The following CPXM2 variants were observed in gnomAD, a reference collection of about 807,000 sequenced individuals.
The protein encoded by CPXM2 is carboxypeptidase X, M14 family member 2, also known as inactive carboxypeptidase-like protein X2.
A neutral mutation model predicts 86.1 loss-of-function variants in CPXM2; 66 were observed. The observed-to-expected ratio is 0.77, with a 90% CI of 0.63 to 0.94. CPXM2 has a LOEUF of 0.94. CPXM2 is among the 40% of genes least tolerant of loss of function. The probability of loss-of-function intolerance (pLI) is 0.00; values close to 1 mark genes in which losing one functional copy is unlikely to be tolerated. For synonymous variants in CPXM2, 388 were observed against 400.2 expected (o/e 0.97, Z 0.36); for missense variants, 948 against 1,026.3 (o/e 0.92, Z 1.04).
chr10:123,861,527 G>A (rs1001245918), intron 3 of CPXM2, among the ~76,000 whole-genome samples: 1 of 152,188 alleles, frequency 6.6e-6, no homozygotes, highest in African/African-American at 2.4e-5. Flanking sequence ...GTCACAGATG[G>A]AATGAAGGTT....
At position 123,746,653 on chromosome 10, in the gene CPXM2, G is replaced by A; in HGVS notation, c.*111C>T. On this transcript the variant is annotated 3_prime_UTR_variant, in exon 14 of 14. Coordinates refer to ENST00000241305, the MANE Select transcript of CPXM2 (RefSeq NM_198148.3). ...GCCTCACAATGCACCCTCTCTTCCA[G>A]GCACTTCTTGAATTACAGAGGAAAC... 1 of 1,058,094 alleles carries A rather than the reference G, an allele frequency of 9.5e-7. No homozygotes were observed. The highest frequency in any genetic ancestry group is 2.2e-5 in the Admixed American group (1 of 46,442). 65.5% of individuals were successfully genotyped at this position (1,058,094 alleles called of 1,614,324 possible).
intron 2 of CPXM2, among the ~76,000 whole-genome samples, chr10:123,928,988 G>A (rs756012351): frequency 3.3e-4 from 51 of 152,242 alleles, no homozygotes; most frequent in Non-Finnish European, 5.7e-4. Context: ...GTGGTCCTGA[G>A]TGGAGCAGGG....
At chr10:123,901,061 A>G (rs1028319126) in intron 2 of CPXM2, among the ~76,000 whole-genome samples, 11 of 152,232 alleles carry the variant, frequency 7.2e-5, no homozygotes, top group African/African-American at 2.4e-4. Context: ...GCAATGTATT[A>G]AAAGCATTTC....
chr10:123,764,351 A>G (rs1422472765), intron 10 of CPXM2, among the ~76,000 whole-genome samples: 1 of 152,218 alleles, frequency 6.6e-6, no homozygotes, highest in Non-Finnish European at 1.5e-5. Context: ...AGCTATATTC[A>G]AAATTTGGCG....
intron 4 of CPXM2, among the ~76,000 whole-genome samples, chr10:123,825,963 T>C (rs1374876216): frequency 6.6e-6 from 1 of 152,196 alleles, no homozygotes; most frequent in Non-Finnish European, 1.5e-5. Context: ...CTGGCTCTGA[T>C]GTGAACATCT....
upstream of CPXM2, chr10:123,891,814 C>T: frequency 3.4e-6 from 1 of 293,920 alleles, no homozygotes; most frequent in Non-Finnish European, 5.3e-6. This position sits in a 1 kb window ranked among gnomAD's most constrained non-coding sequence, Gnocchi z 5.6. Context: ...GTGTGACCGG[C>T]CCGCGGGGCT....
chr10:123,867,318 T>C (rs903899923), intron 2 of CPXM2, among the ~76,000 whole-genome samples: 2 of 152,130 alleles, frequency 1.3e-5, no homozygotes, highest in Non-Finnish European at 2.9e-5. Context: ...GGCAGGATTT[T>C]CCTATGCTAA....
intron 4 of CPXM2, among the ~76,000 whole-genome samples, chr10:123,838,986 G>A (rs1233681146): frequency 1.3e-5 from 2 of 152,148 alleles, no homozygotes; most frequent in Admixed American, 6.5e-5. Flanking sequence ...AGCTTTCTCT[G>A]TCTATATTTT....
chr10:123,924,248 T>C (rs1945603939), intron 2 of CPXM2, among the ~76,000 whole-genome samples: 2 of 152,160 alleles, frequency 1.3e-5, no homozygotes, highest in Admixed American at 1.3e-4. Flanking sequence ...GATGAAGGGC[T>C]CAGTCCCACA....
intron 7 of CPXM2, 44 bp from the exon 8 acceptor site, chr10:123,771,083 T>C (rs1235384808): frequency 6.3e-7 from 1 of 1,594,662 alleles, no homozygotes; most frequent in Non-Finnish European, 8.6e-7. Context: ...TTGATGACGA[T>C]GCACTAAAAG....
intron 2 of CPXM2, among the ~76,000 whole-genome samples, chr10:123,868,783 G>A (rs1280108230): frequency 1.3e-5 from 2 of 152,180 alleles, no homozygotes; most frequent in Admixed American, 6.5e-5. Flanking sequence ...AAGCAGACAC[G>A]TGACCGGCAG....
chr10:123,768,133 A>G lies in CPXM2; in HGVS notation c.1299+393T>C, dbSNP rs1219729. 1.0e-2 allele frequency among the ~76,000 whole-genome samples: 1,515 copies of G among 152,250 alleles called. 9 individuals carry two copies. Among genetic ancestry groups the G allele is most frequent in the South Asian group, 0.026 (126 of 4,816 alleles). On this transcript the variant is annotated intron_variant, in intron 9 of 13. Transcript: ENST00000241305. ...CCAGGCACGGTGGCTTACACCTGTAATCCCAGCACTTTGGGAGGCCAAGGC... is the reference window on the plus strand; with the variant it reads ...CCAGGCACGGTGGCTTACACCTGTAGTCCCAGCACTTTGGGAGGCCAAGGC...
At chr10:123,804,179 A>G (rs1847528916) in intron 4 of CPXM2, among the ~76,000 whole-genome samples, 1 of 152,192 alleles carries the variant, frequency 6.6e-6, no homozygotes, top group Admixed American at 6.5e-5. Context: ...TATATCTGAT[A>G]GTATATGTTT....
chr10:123,846,604 C>T (rs1848501271), intron 3 of CPXM2, among the ~76,000 whole-genome samples: 1 of 152,038 alleles, frequency 6.6e-6, no homozygotes, highest in South Asian at 2.1e-4. Context: ...AGAGGATGCA[C>T]TCCAAAAAAA....
chr10:123,770,451 T>G (rs1846601461), intron 8 of CPXM2, among the ~76,000 whole-genome samples: 1 of 152,384 alleles, frequency 6.6e-6, no homozygotes, highest in East Asian at 1.9e-4. Flanking sequence ...GAAGCCCATC[T>G]GACCTATACA....
chr10:123,790,995 G>C (rs930914113), intron 6 of CPXM2, among the ~76,000 whole-genome samples: 4 of 152,148 alleles, frequency 2.6e-5, no homozygotes, highest in Non-Finnish European at 5.9e-5. Context: ...TGGAAGGTAC[G>C]GTGGGAGACA....
At chr10:123,822,001 T>G (rs1281426880) in intron 4 of CPXM2, among the ~76,000 whole-genome samples, 3 of 152,162 alleles carry the variant, frequency 2.0e-5, no homozygotes, top group African/African-American at 7.2e-5. Context: ...AATTATTAGA[T>G]AAGACAGGTT....
intron 6 of CPXM2, among the ~76,000 whole-genome samples, chr10:123,787,244 T>A (rs1489886544): frequency 6.6e-6 from 1 of 152,018 alleles, no homozygotes; most frequent in Non-Finnish European, 1.5e-5. Flanking sequence ...GAAGAGAAGA[T>A]CTAGGAAAGG....
At chr10:123,802,449 T>G (rs1304124329) in intron 4 of CPXM2, among the ~76,000 whole-genome samples, 1 of 152,246 alleles carries the variant, frequency 6.6e-6, no homozygotes, top group Non-Finnish European at 1.5e-5. Flanking sequence ...GTTTCGTCTT[T>G]GATAATTCTT....
Sources: gnomAD v4.1 joint callset for allele counts (sites outside exome capture counted in the v4.1 genomes callset) on GRCh38, gnomAD v4.1.1 for gene constraint, Gnocchi (gnomAD v3.1) non-coding constraint, MANE v1.5 for transcripts, NCBI Gene and HGNC (gene_info 2026-07-23, HGNC 2026-07-21) for gene names.